PAQR8: variants seen among roughly 807,000 people sequenced by gnomAD.
PAQR8 encodes the protein progestin and adipoQ receptor family member 8, also known as membrane progestin receptor beta.
Under a neutral mutation model 25.2 loss-of-function variants are expected in PAQR8, and 17 were observed. That is an observed-to-expected ratio of 0.67 (90% confidence interval 0.46 to 1.01). PAQR8 has a LOEUF of 1.01. PAQR8 is among the 50% of genes least tolerant of loss of function. The pLI is 0.00. For synonymous variants in PAQR8, 204 were observed against 190.6 expected (o/e 1.07, Z -0.58); for missense variants, 392 against 448.4 (o/e 0.87, Z 1.14).
chr6:52,380,281 A>C (rs1289878391), intron 1 of PAQR8, among the ~76,000 whole-genome samples: 2 of 152,218 alleles, frequency 1.3e-5, no homozygotes, highest in Non-Finnish European at 2.9e-5. Context: ...GGCTACTATT[A>C]AAATCTGTGT....
intron 1 of PAQR8, among the ~76,000 whole-genome samples, chr6:52,378,106 G>A (rs751209740): frequency 4.6e-5 from 7 of 152,196 alleles, no homozygotes; most frequent in Non-Finnish European, 8.8e-5. Flanking sequence ...GCTAAAAATA[G>A]TAGATTCCAT....
At chr6:52,373,597 A>G (rs922716873) in intron 1 of PAQR8, 6 of 152,056 alleles carry the variant, frequency 3.9e-5, no homozygotes, top group African/African-American at 1.5e-4. Context: ...TGTTCTCCTC[A>G]CCTGGGAGCC....
At chr6:52,368,317 A>G (rs1170941704) in intron 1 of PAQR8, among the ~76,000 whole-genome samples, 1 of 152,198 alleles carries the variant, frequency 6.6e-6, no homozygotes, top group Admixed American at 6.5e-5. Flanking sequence ...AGTCCTGGCT[A>G]TAGGATAGAA....
chr6:52,364,081 A>ATTTTTTTTTTT (rs1581786362), intron 1 of PAQR8, among the ~76,000 whole-genome samples: 2 of 39,068 alleles, frequency 5.1e-5, no homozygotes, highest in African/African-American at 8.1e-5. Flanking sequence ...ATTGAAAGAT[A>ATTTTTTTTTTT]TGTTTTTTTT....
At chr6:52,398,477 G>A (rs1763793988) in intron 1 of PAQR8, among the ~76,000 whole-genome samples, 2 of 151,958 alleles carry the variant, frequency 1.3e-5, no homozygotes, top group Admixed American at 1.3e-4. Flanking sequence ...CAAAGTGCTG[G>A]GATTACAGGT....
Position 52,404,168 on chromosome 6 carries a change from T to C in PAQR8, c.955T>C (p.Ser319Pro), listed in dbSNP as rs142603946. Residue 319 changes from serine to proline, a missense_variant, in exon 2 of 2, where the codon TCT (serine) becomes CCT (proline). Ser to Pro is a moderately conservative substitution (Grantham distance 74, BLOSUM62 -1). Coordinates refer to ENST00000442253, the MANE Select transcript of PAQR8 (RefSeq NM_133367.5). ...CTTCCTGCAGCGCCATGGACCCCTATCTGTCCACATGGCCTGCCTCTCCTT... is the reference window on the plus strand; with the variant it reads ...CTTCCTGCAGCGCCATGGACCCCTACCTGTCCACATGGCCTGCCTCTCCTT... ...EIFLQRHGPL[S>P]VHMACLSFFF... The C allele has an allele frequency of 6.2e-7, 1 of 1,614,122 alleles. No homozygotes were observed. The highest frequency in any genetic ancestry group is 8.5e-7 in the Non-Finnish European group (1 of 1,180,006).
At chr6:52,393,646 C>T (rs960926728) in intron 1 of PAQR8, among the ~76,000 whole-genome samples, 1 of 152,080 alleles carries the variant, frequency 6.6e-6, no homozygotes, top group Non-Finnish European at 1.5e-5. Flanking sequence ...GGACACTTTC[C>T]ATTCATTCAT....
At chr6:52,364,786 T>G (rs774503115) in intron 1 of PAQR8, among the ~76,000 whole-genome samples, 2 of 152,160 alleles carry the variant, frequency 1.3e-5, no homozygotes, top group Non-Finnish European at 1.5e-5. Context: ...AAAGGGGCAT[T>G]TAGTAATGGC....
At chr6:52,385,688 G>A (rs1299766885) in intron 1 of PAQR8, among the ~76,000 whole-genome samples, 4 of 152,112 alleles carry the variant, frequency 2.6e-5, no homozygotes, top group Non-Finnish European at 5.9e-5. Flanking sequence ...TTTGAGACCA[G>A]CCTGGGCAAC....
intron 1 of PAQR8, among the ~76,000 whole-genome samples, chr6:52,395,186 T>C (rs1025514659): frequency 2.0e-5 from 3 of 150,546 alleles, no homozygotes; most frequent in Non-Finnish European, 2.9e-5. Context: ...GACAGGAGAA[T>C]TGCTTGAACC....
chr6:52,376,258 G>A (rs1262697348), intron 1 of PAQR8, among the ~76,000 whole-genome samples: 1 of 152,204 alleles, frequency 6.6e-6, no homozygotes, highest in East Asian at 1.9e-4. Flanking sequence ...CCAGTCCGTA[G>A]TCACCAAAAT....
Position 52,407,678 on chromosome 6 carries a change from CAAAAAAAAAAAAAAAAAA to C in PAQR8, c.*3415_*3432del, listed in dbSNP as rs5876275. On this transcript the variant is annotated 3_prime_UTR_variant, in exon 2 of 2. Transcript: ENST00000442253. The stretch of plus-strand genomic sequence containing the variant: ...TTGGTCTTGTGTTTTGCTTGCTTGG[CAAAAAAAAAAAAAAAAAA>C]AAAAAAAAAAAAAATGGAGCTATTT... The C allele has an allele frequency of 1.1e-4, 8 of 72,812 alleles. No homozygotes were observed. Among genetic ancestry groups the C allele is most frequent in the African/African-American group, 4.1e-4 (7 of 17,108 alleles). 4.5% of individuals were successfully genotyped at this position (72,812 alleles called of 1,614,324 possible).
intron 1 of PAQR8, among the ~76,000 whole-genome samples, chr6:52,391,236 C>T (rs1399273776): frequency 1.3e-5 from 2 of 152,218 alleles, no homozygotes; most frequent in Non-Finnish European, 2.9e-5. Flanking sequence ...TAGTCCATCA[C>T]TTTTCTAAGT....
chr6:52,375,414 C>A (rs945325549), intron 1 of PAQR8, among the ~76,000 whole-genome samples: 1 of 152,162 alleles, frequency 6.6e-6, no homozygotes, highest in Admixed American at 6.5e-5. Flanking sequence ...CATATTAGGT[C>A]CCTAACAGCT....
At chr6:52,400,070 A>T (rs1581798089) in intron 1 of PAQR8, among the ~76,000 whole-genome samples, 1 of 152,000 alleles carries the variant, frequency 6.6e-6, no homozygotes, top group East Asian at 1.9e-4. Flanking sequence ...TCTCTCTCCC[A>T]CACTCCCTCT....
chr6:52,373,165 T>A (rs1763440272), intron 1 of PAQR8, among the ~76,000 whole-genome samples: 1 of 152,220 alleles, frequency 6.6e-6, no homozygotes, highest in Non-Finnish European at 1.5e-5. Context: ...TTCCCATTGC[T>A]GCAAATTGGG....
At chr6:52,391,306 A>T (rs1284938926) in intron 1 of PAQR8, among the ~76,000 whole-genome samples, 3 of 152,252 alleles carry the variant, frequency 2.0e-5, no homozygotes, top group Non-Finnish European at 4.4e-5. Context: ...TCTTTGTATA[A>T]CAATAAATGT....
chr6:52,385,140 A>T (rs969094968), intron 1 of PAQR8, among the ~76,000 whole-genome samples: 1 of 152,216 alleles, frequency 6.6e-6, no homozygotes, highest in Non-Finnish European at 1.5e-5. Context: ...TAATTGGATC[A>T]TGGGGGCAGT....
rs141086842 is a variant in PAQR8 at position 52,367,455 on chromosome 6, A to G, written c.-53+5206A>G. Among the ~76,000 whole-genome samples, 40 of 152,364 alleles carry G rather than the reference A, an allele frequency of 2.6e-4. 1 individual carries two copies. The East Asian group carries it at 4.6e-3, about 18-fold the overall frequency. On this transcript the variant is annotated intron_variant, in intron 1 of 1. Transcript: ENST00000442253. Reference sequence around the variant, plus strand: ...ATGCTTAACACACAGAAGGATCGCAATAAGTGTCAACTCTTAGTATCATGA... The same window carrying G: ...ATGCTTAACACACAGAAGGATCGCAGTAAGTGTCAACTCTTAGTATCATGA...
Sources: allele counts gnomAD v4.1 joint callset (sites outside exome capture counted in the v4.1 genomes callset), GRCh38; gene constraint gnomAD v4.1.1; transcripts MANE v1.5; gene names NCBI Gene and HGNC (gene_info 2026-07-23, HGNC 2026-07-21).